ESCO2: variants seen among roughly 807,000 people sequenced by gnomAD.
ESCO2 encodes N-acetyltransferase ESCO2.
ESCO2 carries 51 observed loss-of-function variants against 61.7 expected under a neutral mutation model. The observed-to-expected ratio is 0.83, with a 90% CI of 0.66 to 1.04. ESCO2 has a LOEUF of 1.04. ESCO2 is among the 50% of genes least tolerant of loss of function. The pLI, the probability that ESCO2 is intolerant of heterozygous loss-of-function variation, is 0.00. For synonymous variants in ESCO2, 230 were observed against 238.2 expected (o/e 0.97, Z 0.32); for missense variants, 692 against 686.2 (o/e 1.01, Z -0.09).
chr8:27,779,415 T>A (rs1804873152), intron 3 of ESCO2: 1 of 152,216 alleles, frequency 6.6e-6, no homozygotes, highest in Non-Finnish European at 1.5e-5. Context: ...TCTGTCAGGA[T>A]TTTTTTCTAC....
chr8:27,775,520 A>T lies in ESCO2; in HGVS notation c.6A>T (p.Ala2=). M[A]ALTPRKRKQD... ...TTAGGAATTCAATAAAGAAAATGGC[A>T]GCTCTTACTCCAAGGAAGAGGAAGC... Residue 2 remains alanine (A), a synonymous_variant, in exon 2 of 11, where the codon GCA becomes GCT. Coordinates refer to ENST00000305188, the MANE Select transcript of ESCO2 (RefSeq NM_001017420.3). The T allele has an allele frequency of 6.2e-7, 1 of 1,614,010 alleles. No homozygotes were observed. Among genetic ancestry groups the T allele is most frequent in the Non-Finnish European group, 8.5e-7 (1 of 1,179,850 alleles).
At chr8:27,783,634 C>G (rs545659108) in intron 4 of ESCO2, among the ~76,000 whole-genome samples, 16 of 152,074 alleles carry the variant, frequency 1.1e-4, no homozygotes, top group Non-Finnish European at 2.1e-4. Flanking sequence ...GAGACACAGT[C>G]TCACTAAGTT....
At chr8:27,799,125 A>G (rs933327580) in intron 9 of ESCO2, among the ~76,000 whole-genome samples, 2 of 106,668 alleles carry the variant, frequency 1.9e-5, no homozygotes, top group Non-Finnish European at 3.8e-5. Flanking sequence ...TTATGAATCT[A>G]TTTCAAAATA....
At chr8:27,788,638 C>T (rs980159140) in intron 6 of ESCO2, among the ~76,000 whole-genome samples, 1 of 151,912 alleles carries the variant, frequency 6.6e-6, no homozygotes, top group Admixed American at 6.6e-5. Context: ...AGATTACAGG[C>T]GTGAGCCACT....
In ESCO2 at chr8:27,776,556, C is replaced by T. The variant is rs1804794473; in HGVS notation, c.248C>T (p.Thr83Ile). 1.2e-6 allele frequency: 2 copies of T among 1,614,140 alleles called. No homozygotes were observed. Among genetic ancestry groups the T allele is most frequent in the Non-Finnish European group, 1.7e-6 (2 of 1,180,028 alleles). The change falls in exon 3 of 11, where the codon ACT becomes ATT. Residue 83 changes from threonine (T) to isoleucine (I), a missense_variant. Transcript: ENST00000305188. ...TCACCATTTAAATCTGCGCTCTCCA[C>T]TGTATCTTTTTACAACCAAAATAAG... ...QGSPFKSALS[T>I]VSFYNQNKWY...
At chr8:27,811,237 T>G, downstream of ESCO2, 1 of 926,300 alleles carries the variant, frequency 1.1e-6, no homozygotes, top group Non-Finnish European at 1.7e-6. Context: ...AGTTCACAGG[T>G]TAATCAGTGT....
In ESCO2 at chr8:27,803,904, ATTT is replaced by A. The variant is rs111395487; in HGVS notation, c.*479_*481del. On this transcript the variant is annotated 3_prime_UTR_variant, in exon 11 of 11. Coordinates refer to ENST00000305188, the MANE Select transcript of ESCO2 (RefSeq NM_001017420.3). ...CCCAATTTGTAAAGGGAATTCCTGAATTTTTTTTTTTTTTTAATAGAGGCATGG... is the reference window on the plus strand; with the variant it reads ...CCCAATTTGTAAAGGGAATTCCTGAATTTTTTTTTTTTAATAGAGGCATGG... 9.6e-5 allele frequency: 86 copies of A among 900,200 alleles called. 1 individual carries two copies. The South Asian group carries it at 3.5e-3, about 37-fold the overall frequency. The allele number at this position is 900,200 out of a possible 1,614,324, so 55.8% of individuals were successfully genotyped here.
At chr8:27,806,540 G>A (rs1159047544), downstream of ESCO2, among the ~76,000 whole-genome samples, 1 of 151,858 alleles carries the variant, frequency 6.6e-6, no homozygotes, top group African/African-American at 2.4e-5. Context: ...AGCCTGTTGG[G>A]ATTTTATTGG....
At position 27,804,793 on chromosome 8, in the gene ESCO2, GC is replaced by G. The variant is rs1805525525; in HGVS notation, c.*1356del. 1.0e-6 allele frequency: 1 copy of G among 971,848 alleles called. No homozygotes were observed. Among genetic ancestry groups the G allele is most frequent in the East Asian group, 1.1e-4 (1 of 8,760 alleles). The allele number at this position is 971,848 out of a possible 1,614,324, so 60.2% of individuals were successfully genotyped here. On this transcript the variant is annotated 3_prime_UTR_variant, in exon 11 of 11. Transcript: ENST00000305188. ...TATGTAATTATGCAAACATTTTAAT[GC>G]TATTTTCTGCACTTATTTCTTTTAA...
chr8:27,819,602 GTTT>G, the ESCO2 span, among the ~76,000 whole-genome samples: 1 of 151,958 alleles, frequency 6.6e-6, no homozygotes, highest in Admixed American at 6.6e-5. Context: ...ATAATTCGAA[GTTT>G]TTTTGTGTGA....
chr8:27,819,202 GATTA>G, the ESCO2 span, among the ~76,000 whole-genome samples: 1 of 152,106 alleles, frequency 6.6e-6, no homozygotes, highest in Admixed American at 6.5e-5. Flanking sequence ...AGGAACTTCA[GATTA>G]ATTCTGACAT....
At chr8:27,785,008 C>T (rs892574882) in intron 5 of ESCO2, among the ~76,000 whole-genome samples, 3 of 152,126 alleles carry the variant, frequency 2.0e-5, no homozygotes, top group Admixed American at 6.6e-5. Context: ...TGTCTTAGTT[C>T]ATTTTGTGTT....
intron 9 of ESCO2, among the ~76,000 whole-genome samples, chr8:27,798,652 G>A (rs890652576): frequency 6.6e-6 from 1 of 152,102 alleles, no homozygotes; most frequent in Non-Finnish European, 1.5e-5. Context: ...TGAATGATAA[G>A]CTATGATACA....
chr8:27,796,684 C>T (rs1449026135), intron 9 of ESCO2, among the ~76,000 whole-genome samples: 2 of 152,176 alleles, frequency 1.3e-5, no homozygotes, highest in East Asian at 3.9e-4. Context: ...CAGTTTTCTA[C>T]TTTTCCTCCC....
intron 7 of ESCO2, among the ~76,000 whole-genome samples, 167 bp from the exon 8 acceptor site, chr8:27,791,796 A>C (rs1805181345): frequency 6.6e-6 from 1 of 152,116 alleles, no homozygotes; most frequent in Non-Finnish European, 1.5e-5. Context: ...TACCTGTTTT[A>C]GGCATCTTTT....
Position 27,803,297 on chromosome 8 carries a change from C to T in ESCO2, c.1674-9C>T. ...TTCCATCATTAAATCATCTTTTCTT[C>T]TCTTTTAGGAATTGCTTCATGTTTG... On this transcript the variant is annotated splice_polypyrimidine_tract_variant and intron_variant, in intron 10 of 10. Coordinates refer to ENST00000305188, the MANE Select transcript of ESCO2 (RefSeq NM_001017420.3). The T allele has an allele frequency of 6.2e-7, 1 of 1,613,348 alleles. No individual in the cohort carries two copies. The highest frequency in any genetic ancestry group is 8.5e-7 in the Non-Finnish European group (1 of 1,179,470).
chr8:27,785,549 A>T (rs1030322263), intron 5 of ESCO2, among the ~76,000 whole-genome samples: 24 of 151,958 alleles, frequency 1.6e-4, no homozygotes, highest in African/African-American at 5.6e-4. Context: ...AAAATACAGA[A>T]ATTAGTTGGG....
chr8:27,796,829 A>G (rs941271977), intron 9 of ESCO2, among the ~76,000 whole-genome samples: 4 of 152,230 alleles, frequency 2.6e-5, no homozygotes, highest in African/African-American at 9.6e-5. Flanking sequence ...GTGTAAGTTC[A>G]GTGTTTACTG....
At chr8:27,773,008 C>T (rs781701929), upstream of ESCO2, among the ~76,000 whole-genome samples, 16 of 152,154 alleles carry the variant, frequency 1.1e-4, no homozygotes, top group Non-Finnish European at 1.2e-4. Flanking sequence ...CCATCCCAAA[C>T]CTCTGAACCT....
Sources: allele counts gnomAD v4.1 joint callset (sites outside exome capture counted in the v4.1 genomes callset), GRCh38; gene constraint gnomAD v4.1.1; transcripts MANE v1.5; gene names NCBI Gene and HGNC (gene_info 2026-07-23, HGNC 2026-07-21).